Variants in PCDHGA6 observed in about 807,000 individuals in gnomAD.
PCDHGA6 encodes the protein protocadherin gamma subfamily A, 6, also known as protocadherin gamma-A6.
A neutral mutation model predicts 60.6 loss-of-function variants in PCDHGA6; 41 were observed. The observed-to-expected ratio is 0.68, with a 90% CI of 0.53 to 0.88. The LOEUF is 0.88. Among genes scored for constraint, PCDHGA6 ranks in the 40% least tolerant of loss-of-function variants. PCDHGA6 has a pLI of 0.00. For synonymous variants in PCDHGA6, 594 were observed against 524.4 expected (o/e 1.13, Z -1.81); for missense variants, 1,312 against 1,203.0 (o/e 1.09, Z -1.34).
chr5:141,389,791 TC>T (rs754420674), intron 1 of PCDHGA6: 1 of 1,613,408 alleles, frequency 6.2e-7, no homozygotes, highest in Non-Finnish European at 8.5e-7. Context: ...AGGGACGCCG[TC>T]CGCCAGCGCC....
At position 141,489,181 on chromosome 5, in the gene PCDHGA6, T is replaced by C; in HGVS notation, c.2425-5626T>C. The C allele has an allele frequency of 1.6e-6, 2 of 1,259,546 alleles. No homozygotes were observed. The highest frequency in any genetic ancestry group is 2.2e-6 in the Non-Finnish European group (2 of 905,040). The allele number at this position is 1,259,546 out of a possible 1,614,324, so 78.0% of individuals were successfully genotyped here. ...ACTTCAGCTGCTGCATTCCAAGCCC[T>C]GGGTCTACCTTGGAGACAGGACAGC... On this transcript the variant is annotated intron_variant, in intron 1 of 3. Transcript: ENST00000517434. This position sits in a 1 kb window ranked among gnomAD's most constrained non-coding sequence, Gnocchi z 4.5.
In PCDHGA6 at chr5:141,415,739, G is replaced by GTTTT; in HGVS notation, c.2424+39232_2424+39233insTTTT. On this transcript the variant is annotated intron_variant, in intron 1 of 3. Transcript: ENST00000517434. The stretch of plus-strand genomic sequence containing the variant: ...ATGAGTAGAATTTGATGTTTATTAA[G>GTTTT]GTTTTTTTTTTTTTTTTTTTTTTTT... 9.2e-6 allele frequency: 4 copies of GTTTT among 434,946 alleles called. No homozygotes were observed. In the African/African-American group the frequency reaches 1.3e-4, roughly 14 times the overall value. 26.9% of individuals were successfully genotyped at this position (434,946 alleles called of 1,614,324 possible).
At chr5:141,495,480 C>A (rs2099761689) in intron 2 of PCDHGA6, among the ~76,000 whole-genome samples, 1 of 152,208 alleles carries the variant, frequency 6.6e-6, no homozygotes, top group African/African-American at 2.4e-5. Flanking sequence ...CGTGTCTCTG[C>A]CCCTTTTTCT....
intron 1 of PCDHGA6, among the ~76,000 whole-genome samples, chr5:141,484,720 G>A (rs1458277947): frequency 2.6e-5 from 4 of 151,988 alleles, no homozygotes; most frequent in African/African-American, 7.2e-5. Flanking sequence ...GAAAAGGGGC[G>A]GGGTCAGTCG....
chr5:141,392,882 G>A (rs1394691115), intron 1 of PCDHGA6: 2 of 1,613,502 alleles, frequency 1.2e-6, no homozygotes, highest in Non-Finnish European at 1.7e-6. Flanking sequence ...TGGGAACGCT[G>A]TGGGAAATCG....
chr5:141,456,308 T>C (rs2098849199), intron 1 of PCDHGA6, among the ~76,000 whole-genome samples: 1 of 152,156 alleles, frequency 6.6e-6, no homozygotes, highest in Non-Finnish European at 1.5e-5. Context: ...GAACAGCAGC[T>C]AGGGCTCCTC....
rs746318177 is a variant in PCDHGA6 at position 141,431,715 on chromosome 5, T to G, written c.2424+55208T>G. On this transcript the variant is annotated intron_variant, in intron 1 of 3. Coordinates refer to ENST00000517434, the MANE Select transcript of PCDHGA6 (RefSeq NM_018919.3). The surrounding 1 kb of genome is among the most constrained non-coding windows in gnomAD (Gnocchi z 4.8). Reference sequence around the variant, plus strand: ...GAGTCAGGATTCTACCAGATGGAAGTGCAAGCAATGGATAATGCAGGATAT... The same window carrying G: ...GAGTCAGGATTCTACCAGATGGAAGGGCAAGCAATGGATAATGCAGGATAT... 5.6e-6 allele frequency: 9 copies of G among 1,614,178 alleles called. No homozygotes were observed. The highest frequency in any genetic ancestry group is 6.8e-6 in the Non-Finnish European group (8 of 1,180,042).
At chr5:141,421,748 G>A (rs763166274) in intron 1 of PCDHGA6, 4 of 1,613,944 alleles carry the variant, frequency 2.5e-6, no homozygotes, top group South Asian at 2.2e-5. Context: ...TACCAGCTCA[G>A]CCCTAATAAT....
At chr5:141,415,458 C>T in intron 1 of PCDHGA6, 5 of 1,614,204 alleles carry the variant, frequency 3.1e-6, no homozygotes, top group Non-Finnish European at 4.2e-6. Flanking sequence ...CCCACGAGGT[C>T]TCTCTCACCG....
chr5:141,383,038 G>C, intron 1 of PCDHGA6: 1 of 1,613,858 alleles, frequency 6.2e-7, no homozygotes, highest in Non-Finnish European at 8.5e-7. Flanking sequence ...CTTTGTGGGA[G>C]ACATCGCCAA....
At position 141,399,361 on chromosome 5, in the gene PCDHGA6, C is replaced by T. The variant is rs375619778; in HGVS notation, c.2424+22854C>T. 7.2e-5 allele frequency: 117 copies of T among 1,613,842 alleles called. No individual in the cohort carries two copies. Among genetic ancestry groups the T allele is most frequent in the Non-Finnish European group, 9.7e-5 (115 of 1,179,910 alleles). ...TGGAACCCTAGACCGAGAGCAAACC[C>T]CGGAGTACAATGTCACCATCACAGC... On this transcript the variant is annotated intron_variant, in intron 1 of 3. Transcript: ENST00000517434.
intron 1 of PCDHGA6, chr5:141,399,573 A>T (rs1431985190): frequency 6.2e-7 from 1 of 1,614,020 alleles, no homozygotes; most frequent in Admixed American, 1.7e-5. Flanking sequence ...TGAACGGCCA[A>T]GTCTCCTACT....
At chr5:141,385,415 T>C (rs1781181251) in intron 1 of PCDHGA6, 2 of 1,466,016 alleles carry the variant, frequency 1.4e-6, no homozygotes, top group Non-Finnish European at 1.8e-6. Context: ...AAAATAGGGA[T>C]TTAAAAAACT....
chr5:141,418,351 G>A, intron 1 of PCDHGA6: 1 of 1,614,026 alleles, frequency 6.2e-7, no homozygotes, highest in Non-Finnish European at 8.5e-7. Flanking sequence ...ATATTAGTAT[G>A]AATTCGCTGA....
chr5:141,499,191 C>A (rs920773306), intron 2 of PCDHGA6, among the ~76,000 whole-genome samples: 1 of 152,116 alleles, frequency 6.6e-6, no homozygotes, highest in Non-Finnish European at 1.5e-5. Context: ...ACCATTTCCC[C>A]CTTCTTAGGC....
At chr5:141,421,423 C>T in intron 1 of PCDHGA6, 1 of 1,614,052 alleles carries the variant, frequency 6.2e-7, no homozygotes, top group Non-Finnish European at 8.5e-7. Context: ...GCGCGGAGTC[C>T]GCATCGTCTC....
At position 141,485,325 on chromosome 5, in the gene PCDHGA6, A is replaced by T; in HGVS notation, c.2425-9482A>T. 6.2e-7 allele frequency: 1 copy of T among 1,614,078 alleles called. No homozygotes were observed. Among genetic ancestry groups the T allele is most frequent in the Non-Finnish European group, 8.5e-7 (1 of 1,180,014 alleles). ...ACTTTTGTAGGGAATGTCGCTCAAG[A>T]TTTCCTGCTGGATACGGACAGTCTG... is the stretch of plus-strand genomic sequence containing the variant. On this transcript the variant is annotated intron_variant, in intron 1 of 3. Coordinates refer to ENST00000517434, the MANE Select transcript of PCDHGA6 (RefSeq NM_018919.3). This position sits in a 1 kb window ranked among gnomAD's most constrained non-coding sequence, Gnocchi z 5.7.
chr5:141,494,899 C>T, intron 2 of PCDHGA6, 34 bp downstream of exon 2: 1 of 1,614,116 alleles, frequency 6.2e-7, no homozygotes, highest in Non-Finnish European at 8.5e-7. Context: ...ACCCTCTTCT[C>T]TGCGGCATTT....
intron 1 of PCDHGA6, among the ~76,000 whole-genome samples, chr5:141,438,591 CATATAT>C (rs946798767): frequency 1.2e-3 from 91 of 75,538 alleles, no homozygotes; most frequent in Non-Finnish European, 1.7e-3. Flanking sequence ...TACATACATA[CATATAT>C]ATATATATAT....
Sources: gnomAD v4.1 joint callset for allele counts (sites outside exome capture counted in the v4.1 genomes callset) on GRCh38, gnomAD v4.1.1 for gene constraint, Gnocchi (gnomAD v3.1) non-coding constraint, MANE v1.5 for transcripts, NCBI Gene and HGNC (gene_info 2026-07-23, HGNC 2026-07-21) for gene names.